Variants in ZNF573 observed in about 807,000 individuals in gnomAD.
ZNF573 encodes zinc finger protein 573.
Under a neutral mutation model 57.4 loss-of-function variants are expected in ZNF573, and 41 were observed. The ratio of observed to expected loss-of-function variants is 0.71; its 90% CI spans 0.56 to 0.93. The LOEUF is 0.93. Ranked by LOEUF, ZNF573 falls within the 40% of genes least tolerant of loss-of-function variation. ZNF573 has a pLI of 0.00. For synonymous variants in ZNF573, 249 were observed against 261.0 expected (o/e 0.95, Z 0.44); for missense variants, 730 against 794.8 (o/e 0.92, Z 0.98).
intron 4 of ZNF573, among the ~76,000 whole-genome samples, chr19:37,758,196 T>G: frequency 5.7e-5 from 1 of 17,476 alleles, no homozygotes; most frequent in Non-Finnish European, 2.0e-4. Flanking sequence ...ACTTAAAGTA[T>G]AATAAAATAT....
intron 4 of ZNF573, among the ~76,000 whole-genome samples, chr19:37,758,199 T>TAATAAAAAA (rs1555742417): frequency 1.7e-4 from 2 of 11,874 alleles, no homozygotes; most frequent in Non-Finnish European, 5.4e-4. Context: ...TAAAGTATAA[T>TAATAAAAAA]AAAATATATA....
intron 4 of ZNF573, chr19:37,758,404 C>A (rs1358860527): frequency 6.7e-6 from 1 of 148,660 alleles, no homozygotes; most frequent in African/African-American, 2.5e-5. Context: ...TGTTCCAGAC[C>A]AGCCTGGCCA....
chr19:37,770,426 G>A (rs778491817), intron 3 of ZNF573: 1 of 207,734 alleles, frequency 4.8e-6, no homozygotes, highest in Non-Finnish European at 9.6e-6. Context: ...TTGGCCATGT[G>A]ACTTCAACTC....
chr19:37,752,782 A>T (rs1434040657), intron 4 of ZNF573, among the ~76,000 whole-genome samples: 1 of 152,132 alleles, frequency 6.6e-6, no homozygotes. Flanking sequence ...CAACAGGCAC[A>T]TGCCACCGTG....
chr19:37,767,270 C>T (rs938858951), intron 4 of ZNF573, among the ~76,000 whole-genome samples: 21 of 152,060 alleles, frequency 1.4e-4, no homozygotes, highest in Non-Finnish European at 2.5e-4. Flanking sequence ...GCTCTGTCAC[C>T]CAGGCTGGAG....
chr19:37,740,990 A>C (rs574460082), intron 4 of ZNF573, among the ~76,000 whole-genome samples: 1 of 152,296 alleles, frequency 6.6e-6, no homozygotes, highest in South Asian at 2.1e-4. Context: ...TACCCTCACA[A>C]TTTAAAAATA....
chr19:37,759,556 T>C (rs534579814), intron 4 of ZNF573, among the ~76,000 whole-genome samples: 12 of 152,080 alleles, frequency 7.9e-5, no homozygotes, highest in African/African-American at 2.4e-4. Flanking sequence ...TGAAACCCTG[T>C]TTCTACTAAA....
In ZNF573 at chr19:37,738,725, T is replaced by G; in HGVS notation, c.1765A>C (p.Lys589Gln). The G allele has an allele frequency of 3.1e-6, 5 of 1,613,542 alleles. No homozygotes were observed. The highest frequency in any genetic ancestry group is 4.2e-6 in the Non-Finnish European group (5 of 1,179,850). The change falls in exon 5 of 5, where the codon AAG becomes CAG. Residue 589 changes from lysine to glutamine, a missense_variant. Physicochemically the swap from Lys to Gln is moderately conservative, Grantham distance 53. Coordinates refer to ENST00000536220, the MANE Select transcript of ZNF573 (RefSeq NM_001172690.2). Reference protein sequence around the residue: ...KKPYECKECGKAFKMYGYLTQ... With the variant: ...KKPYECKECGQAFKMYGYLTQ... ...AGGTAGCCATACATTTTAAAGGCCT[T>G]TCCACATTCTTTACATTCATAGGGT...
rs773945681 is a variant in ZNF573, at chr19:37,738,824, A to C, written c.1666T>G (p.Cys556Gly). The change falls in exon 5 of 5, where the codon TGT (cysteine) becomes GGT (glycine). Residue 556 changes from cysteine to glycine, a missense_variant. Cys to Gly is a radical substitution (Grantham distance 159). Coordinates refer to ENST00000536220, the MANE Select transcript of ZNF573 (RefSeq NM_001172690.2). ...SIHTDEKPFECKECGKTFRRS... is the reference protein window; with the variant it reads ...SIHTDEKPFEGKECGKTFRRS... ...CTAAAGGTCTTCCCACATTCCTTAC[A>C]TTCAAAAGGTTTCTCATCAGTATGA... 19 of 1,613,622 alleles carry C rather than the reference A, an allele frequency of 1.2e-5. No homozygotes were observed. Among genetic ancestry groups the C allele is most frequent in the Non-Finnish European group, 1.5e-5 (18 of 1,179,934 alleles).
intron 4 of ZNF573, among the ~76,000 whole-genome samples, chr19:37,763,361 T>C (rs1405928730): frequency 6.6e-6 from 1 of 151,700 alleles, no homozygotes; most frequent in Non-Finnish European, 1.5e-5. Context: ...GGTGGGCAGA[T>C]CACTTGAGGT....
intron 4 of ZNF573, 51 bp from the exon 5 acceptor site, chr19:37,740,245 C>A: frequency 7.5e-6 from 11 of 1,465,252 alleles, no homozygotes; most frequent in Non-Finnish European, 9.1e-6. Flanking sequence ...TACCAGAGAA[C>A]AAGAAACTTT....
intron 4 of ZNF573, among the ~76,000 whole-genome samples, chr19:37,745,534 T>C (rs1376010726): frequency 6.6e-6 from 1 of 151,990 alleles, no homozygotes; most frequent in African/African-American, 2.4e-5. Context: ...TAGCTGGGAT[T>C]ATAGGTGCTT....
rs1302259116 is a variant in ZNF573, at chr19:37,771,492, T to C, written c.202+72A>G. ...TTCAACTATGTCTTGAAATATGGCC[T>C]TGAAATTCATTGTGTTGAAAGGTAA... On this transcript the variant is annotated intron_variant, in intron 3 of 4. Transcript: ENST00000536220. 6 of 1,526,152 alleles carry C rather than the reference T, an allele frequency of 3.9e-6. No individual in the cohort carries two copies. The African/African-American group carries it at 8.4e-5, about 21-fold the overall frequency. The allele number at this position is 1,526,152 out of a possible 1,614,324, so 94.5% of individuals were successfully genotyped here.
intron 4 of ZNF573, among the ~76,000 whole-genome samples, chr19:37,764,331 T>C (rs1478245431): frequency 6.6e-6 from 1 of 151,386 alleles, no homozygotes; most frequent in Non-Finnish European, 1.5e-5. Flanking sequence ...TTTGTTGTTT[T>C]TTTTTCTTAA....
In ZNF573 at chr19:37,769,727, G is replaced by GAA. The variant is rs397944905; in HGVS notation, c.295+276_295+277dup. Among the ~76,000 whole-genome samples, 79 of 55,164 alleles carry GAA rather than the reference G, an allele frequency of 1.4e-3. 2 individuals are homozygous for GAA. Among genetic ancestry groups the GAA allele is most frequent in the Non-Finnish European group, 9.4e-4 (27 of 28,800 alleles). The allele number at this position is 55,164 out of a possible 152,430, so 36.2% of individuals were successfully genotyped here. A position where few individuals can be genotyped will look rare whatever the true frequency, so the allele number is the denominator to read the frequency against. On this transcript the variant is annotated intron_variant, in intron 4 of 4. Coordinates refer to ENST00000536220, the MANE Select transcript of ZNF573 (RefSeq NM_001172690.2). ...GGCGACAGAGCAAGACTCTGTCTCG[G>GAA]AAAAAAAAAAAAAAAAAAAAAAAGA...
Position 37,739,000 on chromosome 19 carries a change from G to T in ZNF573, c.1490C>A (p.Pro497His). The part of the protein sequence containing the change: ...QHRKTHTGEK[P>H]YKCKECGKTF... Reference sequence around the variant, plus strand: ...CTTGCCACATTCCTTACATTTATAGGGTTTCTCACCAGTATGAGTTTTCCG... The same window carrying T: ...CTTGCCACATTCCTTACATTTATAGTGTTTCTCACCAGTATGAGTTTTCCG... The change falls in exon 5 of 5, where the codon CCC becomes CAC. Residue 497 changes from proline (P) to histidine (H), a missense_variant. Coordinates refer to ENST00000536220, the MANE Select transcript of ZNF573 (RefSeq NM_001172690.2). 6.2e-7 allele frequency: 1 copy of T among 1,613,724 alleles called. No homozygotes were observed. The highest frequency in any genetic ancestry group is 8.5e-7 in the Non-Finnish European group (1 of 1,179,914).
chr19:37,739,109 G>C lies in ZNF573; in HGVS notation c.1381C>G (p.Gln461Glu), dbSNP rs1179492727. ...FTLYRNLTRHQNIHTGKKLFE... is the reference protein window; with the variant it reads ...FTLYRNLTRHENIHTGKKLFE... ...AGTTTCTTACCAGTGTGAATATTCT[G>C]ATGTCGAGTAAGATTTCTATACAAA... Residue 461 changes from glutamine to glutamate, a missense_variant, in exon 5 of 5, where the codon CAG becomes GAG. Transcript: ENST00000536220. The C allele has an allele frequency of 6.2e-7, 1 of 1,613,760 alleles. No individual in the cohort carries two copies. The highest frequency in any genetic ancestry group is 2.2e-5 in the East Asian group (1 of 44,868).
chr19:37,771,839 T>A (rs902666876), intron 2 of ZNF573, 143 bp from the exon 3 acceptor site: 28 of 730,182 alleles, frequency 3.8e-5, no homozygotes, highest in South Asian at 1.7e-4. Flanking sequence ...GTCTACATAT[T>A]CCTAAAGGAT....
In ZNF573 at chr19:37,738,655, C is replaced by G. The variant is rs763884346; in HGVS notation, c.1835G>C (p.Cys612Ser). 6.2e-7 allele frequency: 1 copy of G among 1,611,286 alleles called. No individual in the cohort carries two copies. The highest frequency in any genetic ancestry group is 8.5e-7 in the Non-Finnish European group (1 of 1,179,026). ...KIHTGGKPYE[C>S]KECGKAFSRA... is the part of the protein sequence containing the mutation. ...ACTGAAGGCCTTCCCACATTCTTTA[C>G]ATTCATAAGGTTTTCCACCAGTATG... Residue 612 changes from cysteine (C) to serine (S), a missense_variant, in exon 5 of 5, where the codon TGT (cysteine) becomes TCT (serine). Coordinates refer to ENST00000536220, the MANE Select transcript of ZNF573 (RefSeq NM_001172690.2).
Sources: allele counts gnomAD v4.1 joint callset (sites outside exome capture counted in the v4.1 genomes callset), GRCh38; gene constraint gnomAD v4.1.1; transcripts MANE v1.5; gene names NCBI Gene and HGNC (gene_info 2026-07-23, HGNC 2026-07-21).